TH: variants seen among roughly 807,000 people sequenced by gnomAD.
The protein encoded by TH is tyrosine 3-monooxygenase.
Under a neutral mutation model 57.4 loss-of-function variants are expected in TH, and 49 were observed. The ratio of observed to expected loss-of-function variants is 0.85; its 90% CI spans 0.68 to 1.08. The LOEUF (loss-of-function observed/expected upper bound fraction) is 1.08. TH is among the 50% of genes least tolerant of loss of function. The pLI, the probability that TH is intolerant of heterozygous loss-of-function variation, is 0.00. For missense variants in TH, 720 were observed against 696.7 expected, an observed-to-expected ratio of 1.03 and a Z score of -0.38; for synonymous variants, 330 against 304.5, an observed-to-expected ratio of 1.08 and a Z score of -0.87.
At chr11:2,168,697 A>G (rs1299686456) in intron 2 of TH, 32 bp from the exon 3 acceptor site, 1 of 1,071,028 alleles carries the variant, frequency 9.3e-7, no homozygotes. Flanking sequence ...GAGAGAGAGA[A>G]GGAGAAAGAG....
chr11:2,168,228 G>T (rs752252833), intron 3 of TH, 49 bp from the exon 4 acceptor site: 21 of 1,588,136 alleles, frequency 1.3e-5, no homozygotes, highest in Non-Finnish European at 1.8e-5. Context: ...GAGCCGTGGG[G>T]CTGTGTCACC....
chr11:2,167,256 C>T (rs1846124786), intron 6 of TH, 179 bp downstream of exon 6: 16 of 966,624 alleles, frequency 1.7e-5, no homozygotes, highest in South Asian at 9.5e-5. Flanking sequence ...GGGGATGGCC[C>T]GACAGGATGG....
chr11:2,171,788 G>A lies in TH; in HGVS notation c.-2C>T. 1.9e-6 allele frequency: 3 copies of A among 1,610,858 alleles called. No individual in the cohort carries two copies. The highest frequency in any genetic ancestry group is 2.5e-6 in the Non-Finnish European group (3 of 1,179,666). On this transcript the variant is annotated 5_prime_UTR_variant, in exon 1 of 13. Coordinates refer to ENST00000352909, the MANE Select transcript of TH (RefSeq NM_000360.4). The surrounding 1 kb of genome is among the most constrained non-coding windows in gnomAD (Gnocchi z 8.6). ...CGTGGTGGCGTCGGGGGTGGGCATGGCTCAGTGTGGAGGTCCGGGCTCCGT... is the reference window on the plus strand; with the variant it reads ...CGTGGTGGCGTCGGGGGTGGGCATGACTCAGTGTGGAGGTCCGGGCTCCGT...
intron 10 of TH, 85 bp from the exon 11 acceptor site, chr11:2,165,848 C>T: frequency 6.5e-7 from 1 of 1,532,152 alleles, no homozygotes; most frequent in Non-Finnish European, 8.9e-7. Flanking sequence ...GGATACCACC[C>T]CCAGGGAGGC....
At position 2,168,448 on chromosome 11, in the gene TH, T is replaced by A. The variant is rs768032378; in HGVS notation, c.487+43A>T. On this transcript the variant is annotated intron_variant, in intron 3 of 12. Transcript: ENST00000352909. Reference sequence around the variant, plus strand: ...GCAGGAGCCCCTGCACCCCAGCCTCTCAAGGTCATTTGGTGGCCCTCAAGG... The same window carrying A: ...GCAGGAGCCCCTGCACCCCAGCCTCACAAGGTCATTTGGTGGCCCTCAAGG... The A allele has an allele frequency of 2.5e-6, 4 of 1,610,190 alleles. No individual in the cohort carries two copies. In the Admixed American group the frequency reaches 6.7e-5, roughly 27 times the overall value.
chr11:2,167,798 T>C, intron 5 of TH, 68 bp downstream of exon 5: 2 of 1,403,864 alleles, frequency 1.4e-6, no homozygotes, highest in Non-Finnish European at 2.0e-6. Flanking sequence ...TGTCCTTCCC[T>C]CCCACCCCCC....
At chr11:2,168,805 T>C in intron 2 of TH, 140 bp from the exon 3 acceptor site, 1 of 1,056,592 alleles carries the variant, frequency 9.5e-7, no homozygotes, top group Non-Finnish European at 1.4e-6. Flanking sequence ...AGCACACAGA[T>C]CCCGTTCTTC....
chr11:2,165,654 GGA>G lies in TH; in HGVS notation c.1200+12_1200+13del. 1 of 1,612,206 alleles carries G rather than the reference GGA, an allele frequency of 6.2e-7. No homozygotes were observed. ...GCCCCTCTGCTGGGGGCTGCAGCAA[GGA>G]GAGACTCTCACCAGGAGCTCCCCGT... On this transcript the variant is annotated intron_variant, in intron 11 of 12. Coordinates refer to ENST00000352909, the MANE Select transcript of TH (RefSeq NM_000360.4).
In TH at chr11:2,170,618, T is replaced by A; in HGVS notation, c.91-747A>T. On this transcript the variant is annotated intron_variant, in intron 1 of 12. Transcript: ENST00000352909. This position sits in a 1 kb window ranked among gnomAD's most constrained non-coding sequence, Gnocchi z 6.0. Reference sequence around the variant, plus strand: ...CCTTGTAAGAGAAGAATCAGCTTCATCCTGAGCTTCCAGGGTTGTGGAACA... The same window carrying A: ...CCTTGTAAGAGAAGAATCAGCTTCAACCTGAGCTTCCAGGGTTGTGGAACA... The A allele has an allele frequency of 4.5e-6, 6 of 1,326,468 alleles. No homozygotes were observed. The highest frequency in any genetic ancestry group is 1.2e-5 in the South Asian group (1 of 80,134). 82.2% of individuals were successfully genotyped at this position (1,326,468 alleles called of 1,614,324 possible).
chr11:2,165,186 C>T (rs1266135213), intron 12 of TH, 46 bp downstream of exon 12: 2 of 1,612,370 alleles, frequency 1.2e-6, no homozygotes, highest in South Asian at 1.1e-5. Flanking sequence ...CTGGCTGGCC[C>T]AGTTTGGGGG....
In TH at chr11:2,170,776, G is replaced by A. The variant is rs1262180804; in HGVS notation, c.91-905C>T. On this transcript the variant is annotated intron_variant, in intron 1 of 12. Coordinates refer to ENST00000352909, the MANE Select transcript of TH (RefSeq NM_000360.4). This position sits in a 1 kb window ranked among gnomAD's most constrained non-coding sequence, Gnocchi z 6.0. ...AGGCTGGGCCCCGGGGCGCCCTGGG[G>A]AGGGGATGCCTGATGGGGAGCCTGG... 6.4e-7 allele frequency: 1 copy of A among 1,551,568 alleles called. No individual in the cohort carries two copies. Among genetic ancestry groups the A allele is most frequent in the Non-Finnish European group, 8.7e-7 (1 of 1,154,470 alleles).
intron 12 of TH, 121 bp downstream of exon 12, chr11:2,165,111 G>T: frequency 6.8e-7 from 1 of 1,460,162 alleles, no homozygotes; most frequent in Non-Finnish European, 9.5e-7. Flanking sequence ...TGCAACCAGG[G>T]GTCGGTTTTC....
intron 7 of TH, 41 bp downstream of exon 7, chr11:2,166,845 TC>T: frequency 6.3e-7 from 1 of 1,583,622 alleles, no homozygotes; most frequent in South Asian, 1.2e-5. Context: ...TGGCTGACCA[TC>T]CCCGGCCCCC....
At chr11:2,167,563 C>T (rs2133695003) in intron 5 of TH, 78 bp from the exon 6 acceptor site, 1 of 1,475,744 alleles carries the variant, frequency 6.8e-7, no homozygotes. Flanking sequence ...CTTCACTGGG[C>T]ACAGGTCCAC....
intron 2 of TH, 47 bp from the exon 3 acceptor site, chr11:2,168,712 A>C: frequency 1.8e-6 from 1 of 560,622 alleles, no homozygotes; most frequent in Non-Finnish European, 3.0e-6. Flanking sequence ...AAAGAGACAG[A>C]GATGGAGAGA....
chr11:2,166,660 G>T lies in TH; in HGVS notation c.950C>A (p.Ala317Glu), dbSNP rs370710158. 2.5e-6 allele frequency: 4 copies of T among 1,572,822 alleles called. No homozygotes were observed. Among genetic ancestry groups the T allele is most frequent in the Non-Finnish European group, 3.4e-6 (4 of 1,159,924 alleles). Reference sequence around the variant, plus strand: ...CTCAGGGGAGTGCATGGGCGAGGACGCGTGGCGGATATACTGGGTGCACTG... The same window carrying T: ...CTCAGGGGAGTGCATGGGCGAGGACTCGTGGCGGATATACTGGGTGCACTG... ...VFQCTQYIRHASSPMHSPEPD... is the reference protein window; with the variant it reads ...VFQCTQYIRHESSPMHSPEPD... Residue 317 changes from alanine to glutamate, a missense_variant, in exon 8 of 13, where the codon GCG becomes GAG. Transcript: ENST00000352909.
Position 2,165,758 on chromosome 11 carries a change from GTAC to G in TH, c.1107_1109del (p.Tyr370del). The G allele has an allele frequency of 6.2e-7, 1 of 1,612,452 alleles. No individual in the cohort carries two copies. Among genetic ancestry groups the G allele is most frequent in the South Asian group, 1.1e-5 (1 of 91,020 alleles). On this transcript the variant is annotated inframe_deletion and splice_region_variant, in exon 11 of 13. Coordinates refer to ENST00000352909, the MANE Select transcript of TH (RefSeq NM_000360.4). ...ACAGCCCGAACTCCACCGTGAACCA[GTAC>G]AGCTGCGGGGAAGCCGGGCAGCATC...
In TH at chr11:2,171,811, C is replaced by G; in HGVS notation, c.-25G>C. On this transcript the variant is annotated 5_prime_UTR_variant, in exon 1 of 13. Transcript: ENST00000352909. The surrounding 1 kb of genome is among the most constrained non-coding windows in gnomAD (Gnocchi z 8.6). ...TGGCTCAGTGTGGAGGTCCGGGCTC[C>G]GTCTCCACAGCCCTGGCCCAGCAGC... The G allele has an allele frequency of 1.2e-6, 2 of 1,603,254 alleles. No individual in the cohort carries two copies. The highest frequency in any genetic ancestry group is 1.7e-6 in the Non-Finnish European group (2 of 1,175,650).
At chr11:2,167,728 CT>C (rs1846137978) in intron 5 of TH, 137 bp downstream of exon 5, 2 of 1,238,208 alleles carry the variant, frequency 1.6e-6, no homozygotes. Flanking sequence ...ATGGAAAGCC[CT>C]GGAGCAGAGC....
Sources: gnomAD v4.1 joint callset for allele counts on GRCh38, gnomAD v4.1.1 for gene constraint, Gnocchi (gnomAD v3.1) non-coding constraint, MANE v1.5 for transcripts, NCBI Gene and HGNC (gene_info 2026-07-23, HGNC 2026-07-21) for gene names.